Variants in OPCML observed in about 807,000 individuals in gnomAD.
OPCML encodes opioid-binding protein/cell adhesion molecule.
A neutral mutation model predicts 37.8 loss-of-function variants in OPCML; 13 were observed. The observed-to-expected ratio is 0.34, with a 90% CI of 0.22 to 0.55. The LOEUF is 0.55. Ranked by LOEUF, OPCML falls within the 20% of genes least tolerant of loss-of-function variation. The pLI is 0.91. For synonymous variants in OPCML, 176 were observed against 168.8 expected, an observed-to-expected ratio of 1.04 and a Z score of -0.33; for missense variants, 341 against 435.6, an observed-to-expected ratio of 0.78 and a Z score of 1.93.
chr11:132,716,414 CTAT>C (rs1944489052), intron 2 of OPCML, among the ~76,000 whole-genome samples: 1 of 11,852 alleles, frequency 8.4e-5, no homozygotes, highest in African/African-American at 3.2e-4. Flanking sequence ...ATCTGTCTGT[CTAT>C]CTATCTATCT....
intron 3 of OPCML, among the ~76,000 whole-genome samples, chr11:132,641,645 G>C (rs1160829342): frequency 6.6e-6 from 1 of 152,162 alleles, no homozygotes; most frequent in Non-Finnish European, 1.5e-5. Flanking sequence ...TGCAGTACAA[G>C]ATTTTAAGCC....
chr11:133,119,940 C>T (rs1307332852), intron 1 of OPCML, among the ~76,000 whole-genome samples: 1 of 152,136 alleles, frequency 6.6e-6, no homozygotes, highest in Non-Finnish European at 1.5e-5. Context: ...GATGCAGGCT[C>T]TTCCTGCCAG....
chr11:132,852,513 G>A (rs1381839991), intron 2 of OPCML, among the ~76,000 whole-genome samples: 1 of 152,050 alleles, frequency 6.6e-6, no homozygotes, highest in Admixed American at 6.6e-5. Flanking sequence ...AGGCAATAGT[G>A]GGTGGAACTT....
rs73588955 is a variant in OPCML, at chr11:132,574,744, G to A, written c.380-45558C>T. ...GATGAACACGTATCTACTGTTGTTG[G>A]ATGGAATGTTCTATATATGTCCATT... On this transcript the variant is annotated intron_variant, in intron 3 of 7. Transcript: ENST00000524381. 7.9e-3 allele frequency among the ~76,000 whole-genome samples: 1,195 copies of A among 151,990 alleles called. 23 individuals are homozygous for A. Among genetic ancestry groups the A allele is most frequent in the African/African-American group, 0.028 (1,148 of 41,504 alleles).
At chr11:132,500,034 G>T (rs2096242234) in intron 4 of OPCML, among the ~76,000 whole-genome samples, 1 of 152,200 alleles carries the variant, frequency 6.6e-6, no homozygotes, top group Admixed American at 6.5e-5. Flanking sequence ...ATCTGGAGTG[G>T]CTTAATCACC....
At chr11:133,099,553 C>G (rs987945135) in intron 1 of OPCML, among the ~76,000 whole-genome samples, 6 of 150,318 alleles carry the variant, frequency 4.0e-5, no homozygotes, top group African/African-American at 1.5e-4. Flanking sequence ...TCCCAAAGTG[C>G]TGGGATTACA....
At chr11:132,481,573 T>G (rs1459391687) in intron 4 of OPCML, among the ~76,000 whole-genome samples, 7 of 151,190 alleles carry the variant, frequency 4.6e-5, no homozygotes, top group Admixed American at 4.6e-4. Context: ...GTGGACCTAA[T>G]AGACATCTAC....
At chr11:132,937,506 A>C (rs1317760372) in intron 2 of OPCML, among the ~76,000 whole-genome samples, 2 of 146,172 alleles carry the variant, frequency 1.4e-5, no homozygotes, top group East Asian at 2.0e-4. Context: ...GTGTGTGTGT[A>C]TGTGTGTCTG....
At chr11:133,162,397 A>C (rs534672234) in intron 1 of OPCML, among the ~76,000 whole-genome samples, 1 of 152,292 alleles carries the variant, frequency 6.6e-6, no homozygotes, top group Middle Eastern at 3.4e-3. Flanking sequence ...TGAAGATAAA[A>C]TGGAACGTGG....
rs1202107630 is a variant in OPCML at position 132,531,916 on chromosome 11, T to C, written c.380-2730A>G. Among the ~76,000 whole-genome samples, 4 of 152,058 alleles carry C rather than the reference T, an allele frequency of 2.6e-5. No individual in the cohort carries two copies. In the East Asian group the frequency reaches 7.7e-4, roughly 29 times the overall value. On this transcript the variant is annotated intron_variant, in intron 3 of 7. Transcript: ENST00000524381. The stretch of plus-strand genomic sequence containing the variant: ...GCTGGAAGTGTTCGGCCATCTGAAG[T>C]TTTTTGTCTTAATTTTTTTTCAGAT...
chr11:133,506,582 T>A (rs1390178334), intron 1 of OPCML, among the ~76,000 whole-genome samples: 3 of 152,170 alleles, frequency 2.0e-5, no homozygotes, highest in Non-Finnish European at 1.5e-5. Context: ...TTTATTATTA[T>A]TTCAAATAAG....
intron 2 of OPCML, among the ~76,000 whole-genome samples, chr11:132,760,302 T>C (rs1470890382): frequency 1.3e-5 from 2 of 152,312 alleles, no homozygotes; most frequent in East Asian, 3.9e-4. Flanking sequence ...GTTCTATAGA[T>C]GTCTATGAGG....
intron 1 of OPCML, among the ~76,000 whole-genome samples, chr11:133,509,190 C>A (rs976496479): frequency 1.3e-5 from 2 of 152,102 alleles, no homozygotes; most frequent in Non-Finnish European, 2.9e-5. Flanking sequence ...GGCCCGGATG[C>A]ATTAGCTATT....
rs1304841145 is a variant in OPCML at position 132,861,602 on chromosome 11, C to T, written c.146+81324G>A. On this transcript the variant is annotated intron_variant, in intron 2 of 7. Coordinates refer to ENST00000524381, the MANE Select transcript of OPCML (RefSeq NM_001012393.5). ...CTGTAATCCCAGCAGTTTGGGAGGC[C>T]GAAGTGGGTGAATCACGAGGTCAGG... is the stretch of plus-strand genomic sequence containing the variant. Among the ~76,000 whole-genome samples, 5 of 152,088 alleles carry T rather than the reference C, an allele frequency of 3.3e-5. No individual in the cohort carries two copies. In the East Asian group the frequency reaches 5.8e-4, roughly 18 times the overall value.
At chr11:132,653,857 T>C (rs1941562144) in intron 3 of OPCML, among the ~76,000 whole-genome samples, 1 of 152,210 alleles carries the variant, frequency 6.6e-6, no homozygotes, top group Non-Finnish European at 1.5e-5. Flanking sequence ...TAAACACCTT[T>C]TGTTTTTATA....
intron 1 of OPCML, among the ~76,000 whole-genome samples, chr11:132,962,807 T>C (rs559759676): frequency 1.3e-5 from 2 of 152,324 alleles, no homozygotes; most frequent in African/African-American, 4.8e-5. Flanking sequence ...TTTCAGTCTT[T>C]GCTGTTTTTC....
At chr11:133,283,250 C>CAA (rs1942208188) in intron 1 of OPCML, among the ~76,000 whole-genome samples, 1 of 152,116 alleles carries the variant, frequency 6.6e-6, no homozygotes, top group Non-Finnish European at 1.5e-5. Flanking sequence ...GGATGCATTT[C>CAA]AGTCACGGGG....
intron 1 of OPCML, among the ~76,000 whole-genome samples, chr11:133,039,502 T>C (rs1947845292): frequency 6.6e-6 from 1 of 152,052 alleles, no homozygotes; most frequent in Admixed American, 6.6e-5. Context: ...CCCACACTCA[T>C]TTGAAGAGTG....
chr11:132,871,174 T>C (rs1309400258), intron 2 of OPCML, among the ~76,000 whole-genome samples: 2 of 151,862 alleles, frequency 1.3e-5, no homozygotes, highest in Non-Finnish European at 2.9e-5. Flanking sequence ...GATAAATATG[T>C]ACATGTTCAC....
Sources: gnomAD v4.1 joint callset for allele counts (sites outside exome capture counted in the v4.1 genomes callset) on GRCh38, gnomAD v4.1.1 for gene constraint, MANE v1.5 for transcripts, NCBI Gene and HGNC (gene_info 2026-07-23, HGNC 2026-07-21) for gene names.